The following ANKRD30BL variants were observed in gnomAD, a reference collection of about 807,000 sequenced individuals.
ANKRD30BL encodes putative ankyrin repeat domain-containing protein 30B-like.
Under a neutral mutation model 18.4 loss-of-function variants are expected in ANKRD30BL, and 20 were observed. The ratio of observed to expected loss-of-function variants is 1.09; its 90% CI spans 0.77 to 1.58. ANKRD30BL has a LOEUF of 1.58. ANKRD30BL is among the 40% of genes most tolerant of loss of function. ANKRD30BL has a pLI of 0.00. For synonymous variants in ANKRD30BL, 72 were observed against 100.9 expected (o/e 0.71, Z 1.72); for missense variants, 224 against 268.6 (o/e 0.83, Z 1.16).
chr2:132,244,844 T>C (rs1573888094), intron 1 of ANKRD30BL, among the ~76,000 whole-genome samples: 1 of 152,418 alleles, frequency 6.6e-6, no homozygotes, highest in African/African-American at 2.4e-5. Context: ...TTCCCTTTCC[T>C]AGAGCAGTTT....
chr2:132,222,044 G>A (rs1199371711), intron 1 of ANKRD30BL, among the ~76,000 whole-genome samples: 13 of 84,830 alleles, frequency 1.5e-4, no homozygotes, highest in Middle Eastern at 7.5e-3. Context: ...GGAGGGAGGC[G>A]GGGGGGGGGG....
chr2:132,179,052 A>T (rs2104946097), intron 1 of ANKRD30BL, among the ~76,000 whole-genome samples: 1 of 151,780 alleles, frequency 6.6e-6, no homozygotes, highest in South Asian at 2.1e-4. Flanking sequence ...GGTGGACCAC[A>T]TATTGGTCCT....
chr2:132,213,798 G>A (rs971495831), intron 1 of ANKRD30BL, among the ~76,000 whole-genome samples: 4 of 151,922 alleles, frequency 2.6e-5, no homozygotes, highest in African/African-American at 9.7e-5. Context: ...TGAAGCCTAT[G>A]GTGGAAAAGG....
chr2:132,165,247 G>A (rs146196014), upstream of ANKRD30BL, among the ~76,000 whole-genome samples: 562 of 133,828 alleles, frequency 4.2e-3, 2 homozygotes, highest in Middle Eastern at 0.019. Context: ...TCCCTTATAT[G>A]ACGTATCAGT....
intron 1 of ANKRD30BL, among the ~76,000 whole-genome samples, chr2:132,231,818 G>A (rs201857942): frequency 1.3e-5 from 2 of 152,232 alleles, no homozygotes; most frequent in African/African-American, 2.4e-5. Flanking sequence ...CAGGAAGCTC[G>A]AACTGGGTGG....
At chr2:132,165,006 G>A (rs1688159961), upstream of ANKRD30BL, among the ~76,000 whole-genome samples, 1 of 152,040 alleles carries the variant, frequency 6.6e-6, no homozygotes, top group Non-Finnish European at 1.5e-5. Flanking sequence ...TCCGGGTTGC[G>A]GAGCTTGCAG....
At chr2:132,222,845 A>T (rs1331292098) in intron 1 of ANKRD30BL, among the ~76,000 whole-genome samples, 29 of 121,294 alleles carry the variant, frequency 2.4e-4, no homozygotes, top group African/African-American at 1.6e-3. Flanking sequence ...AAAAAAAAAA[A>T]AAAAAAAAAA....
chr2:132,239,852 G>T (rs879181579), intron 1 of ANKRD30BL, among the ~76,000 whole-genome samples: 2 of 151,716 alleles, frequency 1.3e-5, no homozygotes, highest in South Asian at 2.1e-4. Flanking sequence ...AAACTTCTTT[G>T]TGATATGTGT....
At chr2:132,250,243 G>C (rs144908375) in intron 1 of ANKRD30BL, among the ~76,000 whole-genome samples, 2 of 145,026 alleles carry the variant, frequency 1.4e-5, no homozygotes, top group Non-Finnish European at 3.0e-5. Context: ...GACTGATCAA[G>C]GGAATGAAAC....
At chr2:132,207,113 G>A (rs1254977361) in intron 1 of ANKRD30BL, among the ~76,000 whole-genome samples, 1 of 151,944 alleles carries the variant, frequency 6.6e-6, no homozygotes, top group African/African-American at 2.4e-5. Flanking sequence ...TACCCTCACA[G>A]ACATCAGGGG....
intron 1 of ANKRD30BL, among the ~76,000 whole-genome samples, chr2:132,246,029 A>T (rs1680489680): frequency 6.6e-6 from 1 of 151,868 alleles, no homozygotes; most frequent in Non-Finnish European, 1.5e-5. Flanking sequence ...ACAGAGTTGA[A>T]CCTTTCTTTT....
At chr2:132,211,399 C>A (rs540211589) in intron 1 of ANKRD30BL, among the ~76,000 whole-genome samples, 1 of 151,678 alleles carries the variant, frequency 6.6e-6, no homozygotes, top group African/African-American at 2.4e-5. Flanking sequence ...AATATTTTCA[C>A]GTAAAAAGTA....
intron 1 of ANKRD30BL, among the ~76,000 whole-genome samples, chr2:132,221,803 C>A (rs1305459919): frequency 1.7e-4 from 17 of 98,300 alleles, no homozygotes; most frequent in South Asian, 3.4e-4. Context: ...CCAGCCGCCC[C>A]GTCCGGGAGG....
At chr2:132,175,595 T>A (rs1025384994) in intron 1 of ANKRD30BL, among the ~76,000 whole-genome samples, 38 of 152,226 alleles carry the variant, frequency 2.5e-4, no homozygotes, top group Admixed American at 2.0e-3. Flanking sequence ...CACAGACCCT[T>A]TACGGGTGTT....
At chr2:132,162,472 C>G (rs927093458), upstream of ANKRD30BL, among the ~76,000 whole-genome samples, 2 of 152,148 alleles carry the variant, frequency 1.3e-5, no homozygotes, top group African/African-American at 4.8e-5. Flanking sequence ...GCGCTGGCAG[C>G]GCAGGCTTGC....
chr2:132,231,756 TG>T (rs1680022915), intron 1 of ANKRD30BL, among the ~76,000 whole-genome samples: 1 of 151,536 alleles, frequency 6.6e-6, no homozygotes, highest in Non-Finnish European at 1.5e-5. Flanking sequence ...GCAGCGAGGC[TG>T]GGGGAGGGGC....
chr2:132,181,045 G>A (rs1186572531), intron 1 of ANKRD30BL, among the ~76,000 whole-genome samples: 1 of 152,138 alleles, frequency 6.6e-6, no homozygotes, highest in Non-Finnish European at 1.5e-5. Context: ...TTGGGAGGCT[G>A]AGGCAGGAGA....
intron 1 of ANKRD30BL, among the ~76,000 whole-genome samples, chr2:132,199,489 T>A (rs1213866014): frequency 6.6e-6 from 1 of 152,036 alleles, no homozygotes; most frequent in African/African-American, 2.4e-5. Context: ...AGTAATTTCT[T>A]TCTTTCTTTT....
chr2:132,203,358 G>T (rs1403498201), intron 1 of ANKRD30BL, among the ~76,000 whole-genome samples: 1 of 152,234 alleles, frequency 6.6e-6, no homozygotes, highest in East Asian at 1.9e-4. Flanking sequence ...AAAGTGACTT[G>T]TAACTTTTAA....
Sources: allele counts gnomAD v4.1 joint callset (sites outside exome capture counted in the v4.1 genomes callset), GRCh38; gene constraint gnomAD v4.1.1; transcripts MANE v1.5; gene names NCBI Gene and HGNC (gene_info 2026-07-23, HGNC 2026-07-21).